The following TP63 variants were observed in gnomAD, a reference collection of about 807,000 sequenced individuals.
TP63 encodes tumor protein p63, also known as tumor protein 63.
Under a neutral mutation model 82.8 loss-of-function variants are expected in TP63, and 17 were observed. The ratio of observed to expected loss-of-function variants is 0.21; its 90% CI spans 0.14 to 0.31. The LOEUF (loss-of-function observed/expected upper bound fraction) is 0.31. Ranked by LOEUF, TP63 falls within the 10% of genes least tolerant of loss-of-function variation. The pLI is 1.00. For synonymous variants in TP63, 330 were observed against 321.7 expected (o/e 1.03, Z -0.28); for missense variants, 648 against 895.3 (o/e 0.72, Z 3.52).
chr3:189,816,110 A>G (rs1392057352), intron 4 of TP63, among the ~76,000 whole-genome samples: 2 of 152,226 alleles, frequency 1.3e-5, no homozygotes, highest in Non-Finnish European at 2.9e-5. Context: ...GAGCTTTGAG[A>G]TTTAAAGGGC....
intron 4 of TP63, among the ~76,000 whole-genome samples, chr3:189,826,241 A>T (rs994789525): frequency 6.6e-6 from 1 of 152,244 alleles, no homozygotes; most frequent in Non-Finnish European, 1.5e-5. Flanking sequence ...TCTGACTTGG[A>T]AAATTCAAAA....
intron 10 of TP63, among the ~76,000 whole-genome samples, chr3:189,883,390 C>A (rs986489391): frequency 2.6e-5 from 4 of 152,148 alleles, no homozygotes; most frequent in Non-Finnish European, 4.4e-5. Flanking sequence ...GAATTTCTGA[C>A]CTTTCCTGAC....
chr3:189,751,954 T>C (rs1215656787), intron 3 of TP63, among the ~76,000 whole-genome samples: 1 of 152,160 alleles, frequency 6.6e-6, no homozygotes, highest in Non-Finnish European at 1.5e-5. Flanking sequence ...TATATCTTAT[T>C]GTATATTTGA....
At chr3:189,789,469 TTTTC>T (rs1238563676) in intron 3 of TP63, among the ~76,000 whole-genome samples, 1 of 151,826 alleles carries the variant, frequency 6.6e-6, no homozygotes, top group Non-Finnish European at 1.5e-5. Context: ...TTTGTTTTTT[TTTTC>T]TTTCTTTCTT....
chr3:189,657,590 T>G (rs1361148984), intron 1 of TP63, among the ~76,000 whole-genome samples: 1 of 152,126 alleles, frequency 6.6e-6, no homozygotes, highest in Non-Finnish European at 1.5e-5. Context: ...AAATGTATAC[T>G]GGAATTGAAC....
At chr3:189,882,091 T>C (rs1352221537) in intron 10 of TP63, among the ~76,000 whole-genome samples, 1 of 152,058 alleles carries the variant, frequency 6.6e-6, no homozygotes, top group East Asian at 1.9e-4. Flanking sequence ...AAAAGTATAT[T>C]AGTAAAACCA....
chr3:189,881,474 A>G (rs990450935), intron 10 of TP63: 6 of 985,234 alleles, frequency 6.1e-6, no homozygotes, highest in African/African-American at 3.5e-5. Context: ...TTAATTTTCA[A>G]TAAACTTTTG....
chr3:189,684,331 T>C (rs1716232014), intron 1 of TP63, among the ~76,000 whole-genome samples: 1 of 152,174 alleles, frequency 6.6e-6, no homozygotes, highest in Admixed American at 6.5e-5. Context: ...ATACACATTA[T>C]AAATGCTGTG....
At position 189,694,813 on chromosome 3, in the gene TP63, T is replaced by A. The variant is rs1411539004; in HGVS notation, c.63-42927T>A. Among the ~76,000 whole-genome samples, 11 of 115,996 alleles carry A rather than the reference T, an allele frequency of 9.5e-5. No individual in the cohort carries two copies. The East Asian group carries it at 2.8e-3, about 29-fold the overall frequency. 76.1% of individuals were successfully genotyped at this position (115,996 alleles called of 152,430 possible). On this transcript the variant is annotated intron_variant, in intron 1 of 13. Transcript: ENST00000264731. ...GCCTTTTTTTTTTTTTTTTTTTTTT[T>A]TTTTTTTTTTGAGACAGAGTCTCGC...
Position 189,856,468 on chromosome 3 carries a change from T to C in TP63, c.580-7764T>C, listed in dbSNP as rs549863109. ...ACGTGAAAGTCTAAAATGAATGATATATGATTCTAGTTCAAAAAAATAGCA... is the reference window on the plus strand; with the variant it reads ...ACGTGAAAGTCTAAAATGAATGATACATGATTCTAGTTCAAAAAAATAGCA... On this transcript the variant is annotated intron_variant, in intron 4 of 13. Coordinates refer to ENST00000264731, the MANE Select transcript of TP63 (RefSeq NM_003722.5). 2.3e-4 allele frequency among the ~76,000 whole-genome samples: 35 copies of C among 152,082 alleles called. 1 individual carries two copies. In the South Asian group the frequency reaches 6.8e-3, roughly 30 times the overall value.
intron 4 of TP63, among the ~76,000 whole-genome samples, chr3:189,812,423 A>G (rs1727668673): frequency 6.6e-6 from 1 of 152,230 alleles, no homozygotes; most frequent in Admixed American, 6.5e-5. Flanking sequence ...TCTTATTTCC[A>G]CAATTTAATT....
chr3:189,870,016 T>A (rs1718226392), intron 9 of TP63, among the ~76,000 whole-genome samples: 1 of 152,204 alleles, frequency 6.6e-6, no homozygotes, highest in South Asian at 2.1e-4. Context: ...CCCACCCAAC[T>A]AAAGCTAAAC....
At chr3:189,686,401 G>T (rs888281149) in intron 1 of TP63, among the ~76,000 whole-genome samples, 3 of 152,114 alleles carry the variant, frequency 2.0e-5, no homozygotes, top group Non-Finnish European at 2.9e-5. Context: ...GGGTGGTAAT[G>T]CCAGCAATTC....
chr3:189,626,397 C>T (rs1729320918), upstream of TP63, among the ~76,000 whole-genome samples: 1 of 152,202 alleles, frequency 6.6e-6, no homozygotes, highest in Non-Finnish European at 1.5e-5. Flanking sequence ...CTTTCCTGCT[C>T]TCCTCACTAT....
chr3:189,609,244 C>A, the TP63 span, among the ~76,000 whole-genome samples: 1 of 152,110 alleles, frequency 6.6e-6, no homozygotes. Context: ...GACAAATTGT[C>A]AGCCAAGTTT....
intron 1 of TP63, among the ~76,000 whole-genome samples, chr3:189,647,635 A>G (rs1920235): frequency 0.56 from 81,740 of 145,098 alleles, 26,921 homozygotes; most frequent in East Asian, 0.89. Flanking sequence ...CCCTTTTTTC[A>G]GTTACGTCAT....
chr3:189,684,697 C>G (rs1197166704), intron 1 of TP63, among the ~76,000 whole-genome samples: 2 of 146,778 alleles, frequency 1.4e-5, no homozygotes, highest in Non-Finnish European at 1.5e-5. Context: ...GTGGTGCAAT[C>G]TCGGCTCACT....
chr3:189,643,841 C>T (rs776008772), intron 1 of TP63, among the ~76,000 whole-genome samples: 3 of 152,180 alleles, frequency 2.0e-5, no homozygotes, highest in East Asian at 1.9e-4. Context: ...TTAGACAACA[C>T]TGCTGTTTTG....
intron 3 of TP63, among the ~76,000 whole-genome samples, chr3:189,765,100 A>C (rs557352269): frequency 6.6e-6 from 1 of 152,176 alleles, no homozygotes; most frequent in Admixed American, 6.5e-5. Flanking sequence ...CATCTTTGCT[A>C]TTGAATTAAA....
Sources: gnomAD v4.1 joint callset for allele counts (sites outside exome capture counted in the v4.1 genomes callset) on GRCh38, gnomAD v4.1.1 for gene constraint, MANE v1.5 for transcripts, NCBI Gene and HGNC (gene_info 2026-07-23, HGNC 2026-07-21) for gene names.